The following TRAIP variants were observed in gnomAD, a reference collection of about 807,000 sequenced individuals.
The protein encoded by TRAIP is E3 ubiquitin-protein ligase TRAIP.
TRAIP carries 37 observed loss-of-function variants against 65.0 expected under a neutral mutation model. The ratio of observed to expected loss-of-function variants is 0.57; its 90% CI spans 0.44 to 0.75. The LOEUF (loss-of-function observed/expected upper bound fraction) is 0.75. TRAIP is among the 30% of genes least tolerant of loss of function. The pLI is 0.00. For missense variants in TRAIP, 481 were observed against 579.4 expected (o/e 0.83, Z 1.74); for synonymous variants, 187 against 219.1 (o/e 0.85, Z 1.29).
In TRAIP at chr3:49,829,097, C is replaced by T. The variant is rs754838381; in HGVS notation, c.*6G>A. ...TGTGTCTGGCCATTGGTCAGACTCA[C>T]TGTTCTCACGACCACAGGAAGGTGT... is the stretch of plus-strand genomic sequence containing the variant. On this transcript the variant is annotated 3_prime_UTR_variant, in exon 15 of 15. Transcript: ENST00000331456. The T allele has an allele frequency of 6.2e-6, 10 of 1,614,212 alleles. No individual in the cohort carries two copies. In the South Asian group the frequency reaches 9.9e-5, roughly 16 times the overall value.
chr3:49,838,069 T>A (rs966119824), intron 10 of TRAIP, among the ~76,000 whole-genome samples: 3 of 152,114 alleles, frequency 2.0e-5, no homozygotes, highest in Non-Finnish European at 4.4e-5. Context: ...GGTCTCACTA[T>A]GTTGCCCAGG....
rs780636779 is a variant in TRAIP, at chr3:49,831,968, G to A, written c.985C>T (p.Pro329Ser). 10 of 1,604,528 alleles carry A rather than the reference G, an allele frequency of 6.2e-6. No individual in the cohort carries two copies. Among genetic ancestry groups the A allele is most frequent in the Non-Finnish European group, 8.5e-6 (10 of 1,175,524 alleles). Residue 329 changes from proline to serine, a missense_variant, in exon 11 of 15, where the codon CCC (proline) becomes TCC (serine). Transcript: ENST00000331456. ...TAGTAACCATGCTGGGAGCTGGAGG[G>A]CCGGGCTGGGGGAGTATCCACATCA... is the stretch of plus-strand genomic sequence containing the variant. ...TFDVDTPPAR[P>S]SSSQHGYYEK...
chr3:49,851,268 C>T (rs1440494778), intron 1 of TRAIP, among the ~76,000 whole-genome samples: 1 of 152,134 alleles, frequency 6.6e-6, no homozygotes. Flanking sequence ...ATCAACACGC[C>T]CAGCCATACC....
Position 49,841,010 on chromosome 3 carries a change from T to G in TRAIP, c.680A>C (p.Lys227Thr). ...ASGEVADKLR[K>T]DLFSSRSKLQ... Reference sequence around the variant, plus strand: ...CTTGCTTCTGGAGGAAAACAAATCCTTCCTCAGCTTGTCAGCCACCTCCCC... The same window carrying G: ...CTTGCTTCTGGAGGAAAACAAATCCGTCCTCAGCTTGTCAGCCACCTCCCC... Residue 227 changes from lysine (K) to threonine (T), a missense_variant, in exon 8 of 15, where the codon AAG becomes ACG. Physicochemically the swap from Lys to Thr is moderately conservative, Grantham distance 78 (BLOSUM62 -1). Coordinates refer to ENST00000331456, the MANE Select transcript of TRAIP (RefSeq NM_005879.3). The G allele has an allele frequency of 6.2e-7, 1 of 1,614,178 alleles. No homozygotes were observed. Among genetic ancestry groups the G allele is most frequent in the Non-Finnish European group, 8.5e-7 (1 of 1,180,012 alleles).
chr3:49,833,681 G>T (rs959585558), intron 10 of TRAIP, among the ~76,000 whole-genome samples: 2 of 152,122 alleles, frequency 1.3e-5, no homozygotes, highest in South Asian at 4.1e-4. Flanking sequence ...GGGTTACACC[G>T]TGTTAGCCAG....
rs757439375 is a variant in TRAIP, at chr3:49,841,828, C to T, written c.615G>A (p.Lys205=). 7 of 1,613,994 alleles carry T rather than the reference C, an allele frequency of 4.3e-6. No individual in the cohort carries two copies. Among genetic ancestry groups the T allele is most frequent in the Non-Finnish European group, 5.9e-6 (7 of 1,179,830 alleles). Reference sequence around the variant, plus strand: ...CTGAGAGGGGCCACAGTACGCACTTCTTGAGAGACACACAGTACACAGCCA... The same window carrying T: ...CTGAGAGGGGCCACAGTACGCACTTTTTGAGAGACACACAGTACACAGCCA... The part of the protein sequence containing the change: ...EQLAVYCVSL[K]KEYENLKEAR... The change falls in exon 7 of 15, where the codon AAG becomes AAA. Residue 205 remains lysine, a splice_region_variant and synonymous_variant. Transcript: ENST00000331456.
intron 10 of TRAIP, among the ~76,000 whole-genome samples, chr3:49,834,945 T>A (rs1440064496): frequency 6.6e-6 from 1 of 152,234 alleles, no homozygotes; most frequent in Admixed American, 6.5e-5. Flanking sequence ...CTCACGCCTG[T>A]AATACCAACA....
intron 10 of TRAIP, among the ~76,000 whole-genome samples, chr3:49,833,314 C>A (rs543561242): frequency 6.6e-6 from 1 of 152,188 alleles, no homozygotes; most frequent in East Asian, 1.9e-4. Flanking sequence ...TCCCCTAAGG[C>A]GTTGCCTAGT....
intron 10 of TRAIP, 179 bp downstream of exon 10, chr3:49,839,593 G>T: frequency 1.6e-6 from 1 of 619,824 alleles, no homozygotes. Flanking sequence ...CTCCGTGTCA[G>T]AGCCTAATTT....
At chr3:49,848,273 G>T (rs2081902659) in intron 1 of TRAIP, 73 bp from the exon 2 acceptor site, 3 of 1,520,470 alleles carry the variant, frequency 2.0e-6, no homozygotes, top group South Asian at 1.1e-5. Flanking sequence ...CAAACATTCT[G>T]ACCACGAAAG....
chr3:49,846,428 G>A (rs2081882652), intron 3 of TRAIP, among the ~76,000 whole-genome samples: 1 of 152,072 alleles, frequency 6.6e-6, no homozygotes, highest in African/African-American at 2.4e-5. Context: ...TCCCGTGGCT[G>A]GGGAGTAGAA....
intron 5 of TRAIP, chr3:49,843,574 C>T (rs752820285): frequency 1.0e-5 from 5 of 480,938 alleles, no homozygotes; most frequent in Non-Finnish European, 1.8e-5. Context: ...ACTCTTCAAA[C>T]TACCTAGTAC....
At chr3:49,845,026 C>A (rs1483260827) in intron 3 of TRAIP, among the ~76,000 whole-genome samples, 1 of 152,232 alleles carries the variant, frequency 6.6e-6, no homozygotes, top group Non-Finnish European at 1.5e-5. Context: ...CCTGGGTCTT[C>A]CTGATTCATA....
Position 49,828,929 on chromosome 3 carries a change from G to A in TRAIP, c.*174C>T, listed in dbSNP as rs2081706407. 2 of 827,144 alleles carry A rather than the reference G, an allele frequency of 2.4e-6. No individual in the cohort carries two copies. Among genetic ancestry groups the A allele is most frequent in the South Asian group, 1.5e-5 (1 of 64,734 alleles). The allele number at this position is 827,144 out of a possible 1,614,324, so 51.2% of individuals were successfully genotyped here. ...GCTCCCAGTCGTAGGAGTGGGGCAG[G>A]GTGAGGGCAGGAAGAGCAGTCTCTG... On this transcript the variant is annotated 3_prime_UTR_variant, in exon 15 of 15. Transcript: ENST00000331456.
intron 11 of TRAIP, among the ~76,000 whole-genome samples, chr3:49,831,564 G>C (rs2081733136): frequency 6.6e-6 from 1 of 152,242 alleles, no homozygotes; most frequent in Non-Finnish European, 1.5e-5. Context: ...ACATAGAAGA[G>C]GAAGTTCAGA....
At chr3:49,852,552 A>G (rs924936317) in intron 1 of TRAIP, among the ~76,000 whole-genome samples, 21 of 151,286 alleles carry the variant, frequency 1.4e-4, no homozygotes, top group Non-Finnish European at 2.4e-4. Flanking sequence ...TCAGGAGATC[A>G]AGACCATCCT....
intron 1 of TRAIP, among the ~76,000 whole-genome samples, chr3:49,850,168 A>G (rs529261636): frequency 9.4e-5 from 14 of 148,530 alleles, no homozygotes; most frequent in Admixed American, 8.0e-4. Flanking sequence ...GAAGCCAGAT[A>G]CAAAAAGTTA....
At chr3:49,840,472 G>A in intron 8 of TRAIP, 99 bp from the exon 9 acceptor site, 1 of 965,590 alleles carries the variant, frequency 1.0e-6, no homozygotes, top group Non-Finnish European at 1.6e-6. Flanking sequence ...TAGCCCAGAA[G>A]AGACTAGAGA....
intron 5 of TRAIP, 36 bp from the exon 6 acceptor site, chr3:49,842,583 G>A (rs773656798): frequency 8.2e-6 from 13 of 1,590,460 alleles, no homozygotes; most frequent in Non-Finnish European, 8.6e-7. Flanking sequence ...GATGCTTGGA[G>A]GCCCTCAGGA....
Sources: gnomAD v4.1 joint callset for allele counts (sites outside exome capture counted in the v4.1 genomes callset) on GRCh38, gnomAD v4.1.1 for gene constraint, MANE v1.5 for transcripts, NCBI Gene and HGNC (gene_info 2026-07-23, HGNC 2026-07-21) for gene names.